KLF12: variants seen among roughly 807,000 people sequenced by gnomAD.
The protein encoded by KLF12 is Krueppel-like factor 12.
Under a neutral mutation model 37.8 loss-of-function variants are expected in KLF12, and 9 were observed. That is an observed-to-expected ratio of 0.24 (90% CI 0.14 to 0.42). KLF12 has a LOEUF of 0.42. KLF12 is among the 10% of genes least tolerant of loss of function. The pLI is 1.00. For missense variants in KLF12, 411 were observed against 516.0 expected (o/e 0.80, Z 1.97); for synonymous variants, 208 against 202.1 (o/e 1.03, Z -0.25).
intron 2 of KLF12, among the ~76,000 whole-genome samples, chr13:73,978,134 A>C (rs1425368027): frequency 1.3e-5 from 2 of 152,226 alleles, no homozygotes; most frequent in Non-Finnish European, 2.9e-5. Context: ...AACTTCATTA[A>C]AATGAAAAAT....
chr13:73,746,225 C>T (rs750826595), intron 6 of KLF12, among the ~76,000 whole-genome samples: 7 of 152,162 alleles, frequency 4.6e-5, no homozygotes, highest in African/African-American at 1.2e-4. Context: ...CAATAGATAT[C>T]GATGTATTTA....
chr13:73,782,546 A>G (rs1011058), intron 5 of KLF12, among the ~76,000 whole-genome samples: 19,915 of 152,236 alleles, frequency 0.13, 1,513 homozygotes, highest in East Asian at 0.28. Context: ...GCTTAATTTT[A>G]AAATAAGAAG....
At chr13:74,200,009 G>T in the KLF12 span, among the ~76,000 whole-genome samples, 1 of 152,214 alleles carries the variant, frequency 6.6e-6, no homozygotes, top group Admixed American at 6.5e-5. Context: ...AGGCCTTAAA[G>T]ATAATTAAAG....
chr13:74,098,199 T>C (rs1033970876), intron 1 of KLF12, among the ~76,000 whole-genome samples: 2 of 152,202 alleles, frequency 1.3e-5, no homozygotes, highest in African/African-American at 4.8e-5. Flanking sequence ...ACACAGCTGA[T>C]GCTGAACTCA....
At chr13:74,070,931 A>C (rs193115494) in intron 1 of KLF12, among the ~76,000 whole-genome samples, 1 of 152,358 alleles carries the variant, frequency 6.6e-6, no homozygotes, top group Non-Finnish European at 1.5e-5. Flanking sequence ...TCCAACAGTC[A>C]CTATGAACAA....
At chr13:74,072,406 T>TATATATATATATAAAA (rs1487459834) in intron 1 of KLF12, among the ~76,000 whole-genome samples, 4 of 119,718 alleles carry the variant, frequency 3.3e-5, no homozygotes, top group African/African-American at 1.2e-4. Context: ...TATATATATA[T>TATATATATATATAAAA]AAAAGATTAT....
intron 5 of KLF12, among the ~76,000 whole-genome samples, chr13:73,805,694 A>G (rs1423073603): frequency 3.5e-5 from 5 of 142,614 alleles, no homozygotes; most frequent in South Asian, 2.2e-4. Flanking sequence ...GGAAGGAAGG[A>G]AGGAAGGAAG....
chr13:74,088,323 G>A (rs1162924251), intron 1 of KLF12, among the ~76,000 whole-genome samples: 1 of 151,678 alleles, frequency 6.6e-6, no homozygotes, highest in Non-Finnish European at 1.5e-5. Flanking sequence ...AATCTCCTGA[G>A]TTCACGCAAT....
At chr13:74,015,264 C>A (rs1027321431) in intron 1 of KLF12, among the ~76,000 whole-genome samples, 4 of 152,092 alleles carry the variant, frequency 2.6e-5, no homozygotes, top group Non-Finnish European at 5.9e-5. Flanking sequence ...ATTCTTTGTG[C>A]AATTTCTGAA....
intron 1 of KLF12, among the ~76,000 whole-genome samples, chr13:74,119,019 A>AT (rs781178647): frequency 6.6e-6 from 1 of 152,184 alleles, no homozygotes; most frequent in Non-Finnish European, 1.5e-5. Context: ...TCTCTTATAT[A>AT]TAATGGCAGG....
rs139469202 is a variant in KLF12, at chr13:73,966,941, A to G, written c.34-22871T>C. 1.2e-3 allele frequency among the ~76,000 whole-genome samples: 182 copies of G among 152,356 alleles called. 1 individual carries two copies. The Middle Eastern group carries it at 0.034, about 28-fold the overall frequency. ...AAAAAGAAAATGTAAAATGACATGC[A>G]TTGCATATTGACCTGTAAGTTTTAT... On this transcript the variant is annotated intron_variant, in intron 2 of 7. Transcript: ENST00000377669.
the KLF12 span, among the ~76,000 whole-genome samples, chr13:74,295,158 G>A: frequency 6.6e-6 from 1 of 152,166 alleles, no homozygotes; most frequent in Non-Finnish European, 1.5e-5. Context: ...TTAGATGGAG[G>A]ACTGTAGGTA....
intron 3 of KLF12, among the ~76,000 whole-genome samples, chr13:73,898,424 A>G (rs1330221663): frequency 6.6e-6 from 1 of 152,216 alleles, no homozygotes; most frequent in Non-Finnish European, 1.5e-5. Context: ...AGCTGAAGAC[A>G]GAGATAACCA....
At chr13:74,077,380 G>A (rs1874626951) in intron 1 of KLF12, among the ~76,000 whole-genome samples, 2 of 151,626 alleles carry the variant, frequency 1.3e-5, no homozygotes, top group South Asian at 4.2e-4. Context: ...TATACTCAAG[G>A]GTATATTCTA....
intron 1 of KLF12, among the ~76,000 whole-genome samples, chr13:74,045,036 G>T (rs1477598376): frequency 6.6e-6 from 1 of 152,180 alleles, no homozygotes; most frequent in African/African-American, 2.4e-5. Context: ...CTCCTAAGCA[G>T]AATAATTCCA....
the KLF12 span, among the ~76,000 whole-genome samples, chr13:74,297,877 A>G: frequency 1.3e-5 from 2 of 152,198 alleles, no homozygotes; most frequent in Non-Finnish European, 2.9e-5. Flanking sequence ...TTTTTATGTA[A>G]TGTCAAATTA....
At chr13:73,753,129 C>T (rs1195283353) in intron 6 of KLF12, among the ~76,000 whole-genome samples, 2 of 152,136 alleles carry the variant, frequency 1.3e-5, no homozygotes, top group African/African-American at 4.8e-5. Flanking sequence ...CCACTTCACT[C>T]TCCTGCTCAA....
intron 6 of KLF12, among the ~76,000 whole-genome samples, chr13:73,744,709 C>T (rs1470867457): frequency 6.6e-6 from 1 of 152,118 alleles, no homozygotes; most frequent in East Asian, 1.9e-4. Context: ...AGCCTGCTGC[C>T]TAGGATGAGC....
At chr13:73,696,437 C>T (rs889009676) in intron 7 of KLF12, among the ~76,000 whole-genome samples, 5 of 152,140 alleles carry the variant, frequency 3.3e-5, no homozygotes, top group African/African-American at 1.2e-4. Flanking sequence ...TATGCAAAGG[C>T]TGTGCTGGGA....
Sources: gnomAD v4.1 joint callset for allele counts (sites outside exome capture counted in the v4.1 genomes callset) on GRCh38, gnomAD v4.1.1 for gene constraint, MANE v1.5 for transcripts, NCBI Gene and HGNC (gene_info 2026-07-23, HGNC 2026-07-21) for gene names.